Variants in APC observed in about 807,000 individuals in gnomAD.
The protein encoded by APC is adenomatous polyposis coli protein.
A neutral mutation model predicts 247.0 loss-of-function variants in APC; 72 were observed. That is an observed-to-expected ratio of 0.29 (90% CI 0.24 to 0.35). The LOEUF (loss-of-function observed/expected upper bound fraction) is 0.35, where lower values mean the gene tolerates loss of function less well. Ranked by LOEUF, APC falls within the 10% of genes least tolerant of loss-of-function variation. The pLI is 1.00. For missense variants in APC, 3,400 were observed against 3,360.7 expected (o/e 1.01, Z -0.29); for synonymous variants, 1,254 against 1,162.5 (o/e 1.08, Z -1.60).
rs1484678720 is a variant in APC at position 112,707,830 on chromosome 5, C to T, written c.113C>T (p.Thr38Met). 9 of 1,370,350 alleles carry T rather than the reference C, an allele frequency of 6.6e-6. No homozygotes were observed. Among genetic ancestry groups the T allele is most frequent in the South Asian group, 3.7e-5 (3 of 81,720 alleles). The allele number at this position is 1,370,350 out of a possible 1,614,324, so 84.9% of individuals were successfully genotyped here. The change falls in exon 1 of 14, where the codon ACG becomes ATG. Residue 38 changes from threonine (T) to methionine (M), a missense_variant. Physicochemically the swap from Thr to Met is moderately conservative, Grantham distance 81. Coordinates refer to the APC transcript ENST00000507379. ...AGCAGGAGCTGCGTCCGGCAGGAGA[C>T]GAAGAGCCCGGGCGGCGCTCGTACT...
intron 4 of APC, among the ~76,000 whole-genome samples, chr5:112,769,050 C>CTTTTTTTTTTTTTTTT (rs11379766): frequency 5.2e-5 from 5 of 96,824 alleles, no homozygotes; most frequent in South Asian, 3.7e-4. Context: ...TTTTTTTCTT[C>CTTTTTTTTTTTTTTTT]TTTTTTTTTT....
chr5:112,828,197 C>T (rs1411967298), intron 13 of APC, among the ~76,000 whole-genome samples, 191 bp downstream of exon 13: 1 of 152,174 alleles, frequency 6.6e-6, no homozygotes, highest in Non-Finnish European at 1.5e-5. Flanking sequence ...CCATGCCAAA[C>T]GAATTTTTGT....
At chr5:112,786,361 A>T (rs562515666) in intron 6 of APC, among the ~76,000 whole-genome samples, 3 of 152,298 alleles carry the variant, frequency 2.0e-5, no homozygotes, top group Admixed American at 2.0e-4. Flanking sequence ...GAAAACTCAA[A>T]ATCCACTTGT....
In APC at chr5:112,801,122, G is replaced by A. The variant is rs559160840; in HGVS notation, c.730-157G>A. Among the ~76,000 whole-genome samples the A allele has an allele frequency of 1.4e-3, 218 of 152,090 alleles. 3 individuals are homozygous for A. Among genetic ancestry groups the A allele is most frequent in the African/African-American group, 5.1e-3 (211 of 41,494 alleles). ...TTACCGAGATAGTCGACCGCCAATC[G>A]TACTGGAGGTTATGAAGTGTAATAC... is the stretch of plus-strand genomic sequence containing the variant. On this transcript the variant is annotated intron_variant, in intron 7 of 15. Coordinates refer to ENST00000257430, the MANE Select transcript of APC (RefSeq NM_000038.6).
At chr5:112,745,140 AG>A (rs1406803982) in intron 1 of APC, among the ~76,000 whole-genome samples, 1 of 152,222 alleles carries the variant, frequency 6.6e-6, no homozygotes, top group African/African-American at 2.4e-5. Context: ...GGTCAGTTAT[AG>A]AACTTTATAT....
At chr5:112,785,412 C>G (rs1758829095) in intron 6 of APC, among the ~76,000 whole-genome samples, 1 of 152,014 alleles carries the variant, frequency 6.6e-6, no homozygotes, top group Non-Finnish European at 1.5e-5. Flanking sequence ...GACCTGTTCA[C>G]AGTAACAGGA....
chr5:112,756,572 ACTC>A (rs1307480933), intron 2 of APC, among the ~76,000 whole-genome samples: 5 of 152,016 alleles, frequency 3.3e-5, no homozygotes, highest in African/African-American at 1.2e-4. Context: ...TTCGCAGAGA[ACTC>A]CTCCTGGCAG....
Position 112,842,993 on chromosome 5 carries a change from C to T in APC, c.7399C>T (p.Pro2467Ser), listed in dbSNP as rs372305287. 1 of 1,614,024 alleles carries T rather than the reference C, an allele frequency of 6.2e-7. No homozygotes were observed. Among genetic ancestry groups the T allele is most frequent in the Non-Finnish European group, 8.5e-7 (1 of 1,179,928 alleles). The change falls in exon 16 of 16, where the codon CCA becomes TCA. Residue 2467 changes from proline (P) to serine (S), a missense_variant. This residue lies in a region of APC where 1,788 missense variants were observed against 1,649.5 expected (regional missense o/e 1.08). Coordinates refer to ENST00000257430, the MANE Select transcript of APC (RefSeq NM_000038.6). ...ATCTGCTTCATTTGAATCTCTTTCT[C>T]CATCATCTAGACCAGCTTCTCCCAC... The part of the protein sequence containing the change: ...EESASFESLS[P>S]SSRPASPTRS...
intron 1 of APC, among the ~76,000 whole-genome samples, chr5:112,741,909 C>T (rs1262670068): frequency 6.6e-6 from 1 of 152,124 alleles, no homozygotes; most frequent in African/African-American, 2.4e-5. Flanking sequence ...TTTCACTTAG[C>T]ATAATGTCTC....
In APC at chr5:112,838,324, T is replaced by C. The variant is rs2149876172; in HGVS notation, c.2730T>C (p.Thr910=). ...SQEDRSSGST[T]ELHCVTDERN... ...AAGACAGAAGTTCTGGGTCTACCAC[T>C]GAATTACATTGTGTGACAGATGAGA... Residue 910 remains threonine (T), a synonymous_variant, in exon 16 of 16, where the codon ACT becomes ACC. Transcript: ENST00000257430. 6.2e-7 allele frequency: 1 copy of C among 1,614,214 alleles called. No homozygotes were observed. The highest frequency in any genetic ancestry group is 2.2e-5 in the East Asian group (1 of 44,878).
chr5:112,834,337 G>GT (rs2149838658), intron 14 of APC, among the ~76,000 whole-genome samples: 1 of 149,504 alleles, frequency 6.7e-6, no homozygotes, highest in East Asian at 2.0e-4. Context: ...TGCCTCCCAG[G>GT]TTCAAGCGAT....
At chr5:112,808,171 T>A (rs1289471722) in intron 8 of APC, among the ~76,000 whole-genome samples, 1 of 152,066 alleles carries the variant, frequency 6.6e-6, no homozygotes, top group Non-Finnish European at 1.5e-5. Context: ...ATAAAAAAAT[T>A]AAAAAATAAA....
intron 8 of APC, among the ~76,000 whole-genome samples, chr5:112,801,921 T>A (rs538660362): frequency 4.6e-5 from 7 of 152,204 alleles, no homozygotes; most frequent in African/African-American, 1.7e-4. Context: ...TCAGCAAAAT[T>A]ATGAAAGTAA....
chr5:112,784,869 T>C (rs1758770651), intron 6 of APC, among the ~76,000 whole-genome samples: 1 of 152,198 alleles, frequency 6.6e-6, no homozygotes, highest in Admixed American at 6.5e-5. Flanking sequence ...AGCTCAGGCC[T>C]GTAATCCCAG....
At chr5:112,801,115 G>A (rs1441715355) in intron 7 of APC, among the ~76,000 whole-genome samples, 164 bp from the exon 8 acceptor site, 2 of 151,978 alleles carry the variant, frequency 1.3e-5, no homozygotes, top group East Asian at 1.9e-4. Context: ...ATAGTCGACC[G>A]CCAATCGTAC....
chr5:112,829,807 C>T (rs1055363472), intron 14 of APC: 2 of 152,332 alleles, frequency 1.3e-5, no homozygotes, highest in Non-Finnish European at 2.9e-5. Context: ...AAACCTCAAT[C>T]CCCTCAAATT....
intron 1 of APC, among the ~76,000 whole-genome samples, chr5:112,720,824 C>G (rs1448894361): frequency 6.6e-5 from 10 of 152,138 alleles, no homozygotes; most frequent in Non-Finnish European, 1.2e-4. Context: ...GGTTTTCCCC[C>G]TTTCCTCTAT....
chr5:112,792,120 C>T (rs1759679639), intron 6 of APC, among the ~76,000 whole-genome samples: 1 of 152,088 alleles, frequency 6.6e-6, no homozygotes, highest in African/African-American at 2.4e-5. Context: ...GTGGTGCGCG[C>T]CTGTAGTCCC....
chr5:112,726,039 C>A (rs548488586), intron 1 of APC, among the ~76,000 whole-genome samples: 1 of 152,288 alleles, frequency 6.6e-6, no homozygotes, highest in Non-Finnish European at 1.5e-5. Context: ...CATGCTCAAA[C>A]CCCTTATGGG....
Sources: allele counts gnomAD v4.1 joint callset (sites outside exome capture counted in the v4.1 genomes callset), GRCh38; gene constraint gnomAD v4.1.1; regional missense constraint gnomAD v4.1.1; transcripts MANE v1.5; gene names NCBI Gene and HGNC (gene_info 2026-07-23, HGNC 2026-07-21).